The following USP25 variants were observed in gnomAD, a reference collection of about 807,000 sequenced individuals.
USP25 encodes the protein ubiquitin carboxyl-terminal hydrolase 25.
USP25 carries 85 observed loss-of-function variants against 158.5 expected under a neutral mutation model. The observed-to-expected ratio is 0.54, with a 90% CI of 0.45 to 0.64. The LOEUF is 0.64. USP25 is among the 30% of genes least tolerant of loss of function. The pLI, the probability that USP25 is intolerant of heterozygous loss-of-function variation, is 0.00. For synonymous variants in USP25, 464 were observed against 460.4 expected (o/e 1.01, Z -0.10); for missense variants, 1,242 against 1,327.3 (o/e 0.94, Z 1.00).
intron 20 of USP25, among the ~76,000 whole-genome samples, chr21:15,855,624 T>A (rs2146513075): frequency 6.6e-6 from 1 of 152,336 alleles, no homozygotes; most frequent in Non-Finnish European, 1.5e-5. Context: ...CTTTTCCTCT[T>A]GGTTGTGTAC....
intron 17 of USP25, among the ~76,000 whole-genome samples, chr21:15,839,363 A>G (rs1321282468): frequency 2.6e-5 from 4 of 152,174 alleles, no homozygotes; most frequent in Admixed American, 6.6e-5. Flanking sequence ...CAATTGTATT[A>G]TATGGTAAAA....
intron 2 of USP25, among the ~76,000 whole-genome samples, chr21:15,763,676 T>C (rs2033869422): frequency 6.6e-6 from 1 of 152,168 alleles, no homozygotes; most frequent in African/African-American, 2.4e-5. Flanking sequence ...ACTGCAGTCA[T>C]ATACACAGCT....
intron 10 of USP25, among the ~76,000 whole-genome samples, chr21:15,819,150 A>G (rs1434409922): frequency 6.6e-6 from 1 of 152,196 alleles, no homozygotes; most frequent in African/African-American, 2.4e-5. Flanking sequence ...GTTCCTCGAT[A>G]TAAAGAAGAA....
At chr21:15,763,525 G>A (rs927510390) in intron 2 of USP25, among the ~76,000 whole-genome samples, 9 of 151,924 alleles carry the variant, frequency 5.9e-5, no homozygotes, top group Non-Finnish European at 1.3e-4. Flanking sequence ...GTTTCACATC[G>A]ACATCCAAAT....
At chr21:15,871,970 G>A (rs955098908) in intron 23 of USP25, among the ~76,000 whole-genome samples, 1 of 143,810 alleles carries the variant, frequency 7.0e-6, no homozygotes, top group Admixed American at 7.0e-5. Flanking sequence ...CAGCCTGGGC[G>A]ACAGAGCGAG....
intron 16 of USP25, among the ~76,000 whole-genome samples, 169 bp from the exon 17 acceptor site, chr21:15,833,178 GT>G (rs1179224382): frequency 6.6e-6 from 1 of 152,116 alleles, no homozygotes; most frequent in Non-Finnish European, 1.5e-5. Context: ...GTTTTAAAAA[GT>G]TTTGTAGATA....
Position 15,859,294 on chromosome 21 carries a change from G to A in USP25, c.2548-4974G>A, listed in dbSNP as rs138364497. Reference sequence around the variant, plus strand: ...TGCAGGCTCCGCCTCCCGGGTTCACGCCATTCTCCTGCCTCAGCCTCCTGA... The same window carrying A: ...TGCAGGCTCCGCCTCCCGGGTTCACACCATTCTCCTGCCTCAGCCTCCTGA... On this transcript the variant is annotated intron_variant, in intron 20 of 25. Transcript: ENST00000400183. Among the ~76,000 whole-genome samples the A allele has an allele frequency of 7.4e-3, 1,122 of 151,632 alleles. 7 individuals are homozygous for A. Among genetic ancestry groups the A allele is most frequent in the Non-Finnish European group, 0.01 (710 of 67,900 alleles).
intron 20 of USP25, among the ~76,000 whole-genome samples, chr21:15,851,370 T>G (rs79951422): frequency 2.6e-4 from 40 of 152,202 alleles, no homozygotes; most frequent in African/African-American, 9.4e-4. Context: ...TATCTTTAAA[T>G]AGAATATTTG....
At position 15,766,208 on chromosome 21, in the gene USP25, T is replaced by A; in HGVS notation, c.268+67T>A. ...CTGAAAAACTTTTCTTGGTGTAATA[T>A]ATTAATGTTGCTTAAGGAGAGGTAA... On this transcript the variant is annotated intron_variant, in intron 3 of 25. Coordinates refer to ENST00000400183, the MANE Select transcript of USP25 (RefSeq NM_001283041.3). The surrounding 1 kb of genome is among the most constrained non-coding windows in gnomAD (Gnocchi z 4.0). 1 of 1,458,366 alleles carries A rather than the reference T, an allele frequency of 6.9e-7. No individual in the cohort carries two copies. Among genetic ancestry groups the A allele is most frequent in the Non-Finnish European group, 9.1e-7 (1 of 1,104,420 alleles). The allele number at this position is 1,458,366 out of a possible 1,614,324, so 90.3% of individuals were successfully genotyped here.
chr21:15,866,224 C>T (rs1177822116), intron 21 of USP25, 42 bp from the exon 22 acceptor site: 15 of 1,268,112 alleles, frequency 1.2e-5, no homozygotes, highest in South Asian at 1.6e-5. Flanking sequence ...TATATATACA[C>T]ACACATACAC....
intron 10 of USP25, among the ~76,000 whole-genome samples, chr21:15,822,727 C>A (rs2037294355): frequency 1.3e-5 from 2 of 151,974 alleles, no homozygotes; most frequent in South Asian, 2.1e-4. Flanking sequence ...AGAACTAACT[C>A]AAAAATTCTT....
At chr21:15,846,122 GTATATATATATA>G (rs34210530) in intron 18 of USP25, among the ~76,000 whole-genome samples, 31 of 55,704 alleles carry the variant, frequency 5.6e-4, no homozygotes, top group South Asian at 3.0e-3. Flanking sequence ...GTGTGTGTGT[GTATATATATATA>G]TATATATATA....
chr21:15,761,368 T>C (rs969143388), intron 1 of USP25, among the ~76,000 whole-genome samples: 7 of 152,182 alleles, frequency 4.6e-5, no homozygotes, highest in Admixed American at 3.3e-4. Context: ...CAGGCTGTTA[T>C]TAACCATCTC....
chr21:15,730,850 C>T (rs1437927589), intron 1 of USP25, among the ~76,000 whole-genome samples: 1 of 152,170 alleles, frequency 6.6e-6, no homozygotes, highest in Non-Finnish European at 1.5e-5. Flanking sequence ...TTTTGCAAAA[C>T]GGTCTCCACC....
At position 15,827,122 on chromosome 21, in the gene USP25, A is replaced by C. The variant is rs1417680372; in HGVS notation, c.1612A>C (p.Arg538=). Residue 538 remains arginine (R), a synonymous_variant, in exon 14 of 26, where the codon AGG becomes CGG. Transcript: ENST00000400183. Reference sequence around the variant, plus strand: ...AGATTTGCCCATGCATCCGGCACCAAGGCACATAACGGAGGAAGAACTTTC... The same window carrying C: ...AGATTTGCCCATGCATCCGGCACCACGGCACATAACGGAGGAAGAACTTTC... ...PPDLPMHPAP[R]HITEEELSVL... The C allele has an allele frequency of 6.2e-7, 1 of 1,614,076 alleles. No individual in the cohort carries two copies. The highest frequency in any genetic ancestry group is 8.5e-7 in the Non-Finnish European group (1 of 1,180,028).
chr21:15,853,181 G>A (rs892927730), intron 20 of USP25, among the ~76,000 whole-genome samples: 1 of 151,912 alleles, frequency 6.6e-6, no homozygotes, highest in Non-Finnish European at 1.5e-5. Context: ...AGATTTTACT[G>A]TTCATAATAT....
At position 15,818,551 on chromosome 21, in the gene USP25, C is replaced by T. The variant is rs79054711; in HGVS notation, c.932-147C>T. The T allele has an allele frequency of 4.8e-3, 3,215 of 670,806 alleles. 89 individuals carry two copies. In the African/African-American group the frequency reaches 0.052, roughly 11 times the overall value. The allele number at this position is 670,806 out of a possible 1,614,324, so 41.6% of individuals were successfully genotyped here. On this transcript the variant is annotated intron_variant, in intron 9 of 25. Coordinates refer to ENST00000400183, the MANE Select transcript of USP25 (RefSeq NM_001283041.3). ...ATGTACATTTGCACATGTGTATAAA[C>T]CAACAGGAAAATTAACACTAACACT... is the stretch of plus-strand genomic sequence containing the variant.
intron 9 of USP25, among the ~76,000 whole-genome samples, chr21:15,812,196 G>A (rs1373723153): frequency 6.6e-6 from 1 of 150,946 alleles, no homozygotes; most frequent in African/African-American, 2.4e-5. Flanking sequence ...ATTTACGTTG[G>A]GTCATTCATC....
intron 17 of USP25, among the ~76,000 whole-genome samples, chr21:15,842,074 C>T (rs2038361390): frequency 6.6e-6 from 1 of 152,080 alleles, no homozygotes; most frequent in African/African-American, 2.4e-5. Context: ...GCTGTTCAAA[C>T]CAAATTCTTT....
Sources: gnomAD v4.1 joint callset for allele counts (sites outside exome capture counted in the v4.1 genomes callset) on GRCh38, gnomAD v4.1.1 for gene constraint, Gnocchi (gnomAD v3.1) non-coding constraint, MANE v1.5 for transcripts, NCBI Gene and HGNC (gene_info 2026-07-23, HGNC 2026-07-21) for gene names.